The following PTPRU variants were observed in gnomAD, a reference collection of about 807,000 sequenced individuals.
The protein encoded by PTPRU is receptor-type tyrosine-protein phosphatase U.
PTPRU carries 69 observed loss-of-function variants against 166.3 expected under a neutral mutation model. That is an observed-to-expected ratio of 0.41 (90% confidence interval 0.34 to 0.51). PTPRU has a LOEUF of 0.51. Ranked by LOEUF, PTPRU falls within the 20% of genes least tolerant of loss-of-function variation. The probability of loss-of-function intolerance (pLI) is 0.09; values close to 1 mark genes in which losing one functional copy is unlikely to be tolerated. For missense variants in PTPRU, 1,657 were observed against 2,013.7 expected (o/e 0.82, Z 3.39); for synonymous variants, 793 against 814.0 (o/e 0.97, Z 0.44).
chr1:29,289,637 C>T (rs758911474), intron 14 of PTPRU: 43 of 1,612,714 alleles, frequency 2.7e-5, no homozygotes, highest in South Asian at 6.6e-5. Context: ...CCTTGGTGGA[C>T]GGACCTCGGA....
chr1:29,256,416 T>TCA (rs770068894), intron 2 of PTPRU, among the ~76,000 whole-genome samples: 22 of 152,212 alleles, frequency 1.4e-4, no homozygotes, highest in South Asian at 2.1e-4. Context: ...CTTTGCCCCA[T>TCA]CACACTAGTG....
chr1:29,260,134 G>A lies in PTPRU; in HGVS notation c.850+90G>A, dbSNP rs944911303. 3 of 1,210,906 alleles carry A rather than the reference G, an allele frequency of 2.5e-6. No individual in the cohort carries two copies. Among genetic ancestry groups the A allele is most frequent in the East Asian group, 3.4e-5 (1 of 29,720 alleles). The allele number at this position is 1,210,906 out of a possible 1,614,324, so 75.0% of individuals were successfully genotyped here. On this transcript the variant is annotated intron_variant, in intron 6 of 29. Coordinates refer to ENST00000373779, the MANE Select transcript of PTPRU (RefSeq NM_133178.4). This position sits in a 1 kb window ranked among gnomAD's most constrained non-coding sequence, Gnocchi z 8.3. ...GCGGGCTCTGCCCGGGGGCGTGGCC[G>A]TGGGGGGTGGGGCCGGCAGGGTGTC...
Position 29,280,247 on chromosome 1 carries a change from G to T in PTPRU, c.1868+106G>T. 2 of 1,130,472 alleles carry T rather than the reference G, an allele frequency of 1.8e-6. No individual in the cohort carries two copies. The highest frequency in any genetic ancestry group is 1.3e-6 in the Non-Finnish European group (1 of 786,700). The allele number at this position is 1,130,472 out of a possible 1,614,324, so 70.0% of individuals were successfully genotyped here. A position where few individuals can be genotyped will look rare whatever the true frequency, so the allele number is the denominator to read the frequency against. On this transcript the variant is annotated intron_variant, in intron 11 of 29. Coordinates refer to ENST00000373779, the MANE Select transcript of PTPRU (RefSeq NM_133178.4). This position sits in a 1 kb window ranked among gnomAD's most constrained non-coding sequence, Gnocchi z 4.2. ...GCCAGCTCACCCTTTTCCTCCCTCAGTCTCCCACGCAGGGCTTGGAGTGTC... is the reference window on the plus strand; with the variant it reads ...GCCAGCTCACCCTTTTCCTCCCTCATTCTCCCACGCAGGGCTTGGAGTGTC...
At chr1:29,258,390 C>A in intron 2 of PTPRU, 115 bp from the exon 3 acceptor site, 2 of 1,173,832 alleles carry the variant, frequency 1.7e-6, no homozygotes, top group Admixed American at 2.3e-5. Context: ...AACTCAGAAT[C>A]CCTGACTCCT....
chr1:29,264,436 T>A (rs1685199067), intron 7 of PTPRU, among the ~76,000 whole-genome samples: 1 of 152,166 alleles, frequency 6.6e-6, no homozygotes, highest in South Asian at 2.1e-4. Flanking sequence ...GTGTCAGCTA[T>A]TACATTCAGG....
chr1:29,311,535 G>A lies in PTPRU; in HGVS notation c.2937G>A (p.Lys979=), dbSNP rs942000483. ...EHCSSIVMIT[K]LVEVGRVKCS... is the part of the protein sequence containing the mutation. ...GTTCCAGCATCGTCATGATCACCAA[G>A]CTGGTCGAGGTGGGCAGGGTAAGCC... is the stretch of plus-strand genomic sequence containing the variant. Residue 979 remains lysine, a synonymous_variant, in exon 20 of 30, where the codon AAG becomes AAA. Coordinates refer to ENST00000373779, the MANE Select transcript of PTPRU (RefSeq NM_133178.4). This position sits in a 1 kb window ranked among gnomAD's most constrained non-coding sequence, Gnocchi z 4.1. 1 of 1,614,244 alleles carries A rather than the reference G, an allele frequency of 6.2e-7. No individual in the cohort carries two copies. The highest frequency in any genetic ancestry group is 8.5e-7 in the Non-Finnish European group (1 of 1,180,040).
rs762111865 is a variant in PTPRU, at chr1:29,282,771, C to T, written c.1964C>T (p.Ala655Val). The T allele has an allele frequency of 9.7e-5, 157 of 1,613,932 alleles. 1 individual carries two copies. In the South Asian group the frequency reaches 1.3e-3, roughly 13 times the overall value. Residue 655 changes from alanine to valine, a missense_variant, in exon 12 of 30, where the codon GCG becomes GTG. Physicochemically the swap from Ala to Val is moderately conservative, Grantham distance 64. Around this residue, in one of 3 missense-constraint regions of PTPRU, gnomAD observed 1,190 missense variants for 1,477.4 expected, o/e 0.81. Coordinates refer to ENST00000373779, the MANE Select transcript of PTPRU (RefSeq NM_133178.4). ...TTCCCAGTGCCATTGACCTTCGAGGCGGCGCTGGCCCGAGGCCTGGTGCAC... is the reference window on the plus strand; with the variant it reads ...TTCCCAGTGCCATTGACCTTCGAGGTGGCGCTGGCCCGAGGCCTGGTGCAC... ...DCFPVPLTFEAALARGLVHYF... is the reference protein window; with the variant it reads ...DCFPVPLTFEVALARGLVHYF...
chr1:29,325,156 G>A (rs755882681), intron 28 of PTPRU, 35 bp from the exon 29 acceptor site: 3 of 1,611,702 alleles, frequency 1.9e-6, no homozygotes, highest in East Asian at 2.2e-5. Context: ...CAGGTTCCAA[G>A]GCCCCGCCCC....
At chr1:29,258,916 G>A (rs985894138) in intron 3 of PTPRU, 140 bp downstream of exon 3, 4 of 1,280,242 alleles carry the variant, frequency 3.1e-6, no homozygotes, top group African/African-American at 3.0e-5. Flanking sequence ...TCAAGGCCAG[G>A]GGTCAGTCTG....
intron 13 of PTPRU, among the ~76,000 whole-genome samples, chr1:29,284,498 A>G (rs991370562): frequency 2.0e-5 from 3 of 152,164 alleles, no homozygotes; most frequent in African/African-American, 7.2e-5. Context: ...GAAAGTGGGA[A>G]GCGAGGGAAG....
At chr1:29,266,352 G>A (rs915354669) in intron 7 of PTPRU, among the ~76,000 whole-genome samples, 2 of 152,056 alleles carry the variant, frequency 1.3e-5, no homozygotes, top group South Asian at 2.1e-4. Flanking sequence ...TTAAGTTTAT[G>A]ATCTATTTTG....
At chr1:29,243,168 A>G (rs1684133363) in intron 1 of PTPRU, among the ~76,000 whole-genome samples, 1 of 152,056 alleles carries the variant, frequency 6.6e-6, no homozygotes, top group South Asian at 2.1e-4. Flanking sequence ...AAGTACTGGG[A>G]TTAGAGGCAT....
chr1:29,236,629 C>T lies in PTPRU; in HGVS notation c.-16C>T, dbSNP rs768518081. 2.3e-5 allele frequency: 29 copies of T among 1,246,554 alleles called. No individual in the cohort carries two copies. In the South Asian group the frequency reaches 7.5e-4, roughly 32 times the overall value. The allele number at this position is 1,246,554 out of a possible 1,614,324, so 77.2% of individuals were successfully genotyped here. Reference sequence around the variant, plus strand: ...CCCCCGCGCCGGGCCCCGGGACGGGCGGCGACGCTCCAACCATGGCCCGTG... The same window carrying T: ...CCCCCGCGCCGGGCCCCGGGACGGGTGGCGACGCTCCAACCATGGCCCGTG... On this transcript the variant is annotated 5_prime_UTR_variant, in exon 1 of 30. Transcript: ENST00000373779. The surrounding 1 kb of genome is among the most constrained non-coding windows in gnomAD (Gnocchi z 4.6).
chr1:29,297,307 G>C (rs1686935714), intron 15 of PTPRU, among the ~76,000 whole-genome samples: 2 of 151,044 alleles, frequency 1.3e-5, no homozygotes, highest in Admixed American at 1.3e-4. Context: ...CACCCGTCTT[G>C]GCCTCCCAAA....
At position 29,280,649 on chromosome 1, in the gene PTPRU, C is replaced by CTGTGTG. The variant is rs140481299; in HGVS notation, c.1868+534_1868+539dup. On this transcript the variant is annotated intron_variant, in intron 11 of 29. Transcript: ENST00000373779. This position sits in a 1 kb window ranked among gnomAD's most constrained non-coding sequence, Gnocchi z 4.2. ...TGGGGAGAGGGTGCTGGAGACAAGACTGTGTGTGTGTGTGTGTGTGTGTGT... is the reference window on the plus strand; with the variant it reads ...TGGGGAGAGGGTGCTGGAGACAAGACTGTGTGTGTGTGTGTGTGTGTGTGTGTGTGT... Among the ~76,000 whole-genome samples, 1,448 of 144,104 alleles carry CTGTGTG rather than the reference C, an allele frequency of 0.01. 31 individuals are homozygous for CTGTGTG. The highest frequency in any genetic ancestry group is 0.034 in the African/African-American group (1,340 of 39,174). 94.5% of individuals were successfully genotyped at this position (144,104 alleles called of 152,430 possible).
intron 14 of PTPRU, among the ~76,000 whole-genome samples, chr1:29,286,568 CT>C (rs1178647789): frequency 6.6e-6 from 1 of 152,124 alleles, no homozygotes; most frequent in Admixed American, 6.5e-5. Flanking sequence ...AAGCCCCTGA[CT>C]TTCCCCCAGC....
At chr1:29,285,590 A>G (rs1686305613) in intron 14 of PTPRU, among the ~76,000 whole-genome samples, 1 of 152,232 alleles carries the variant, frequency 6.6e-6, no homozygotes. Context: ...GACTCTAGGA[A>G]TCTTAGGCTT....
intron 7 of PTPRU, among the ~76,000 whole-genome samples, chr1:29,275,154 G>A (rs1245431310): frequency 1.3e-5 from 2 of 152,058 alleles, no homozygotes; most frequent in African/African-American, 4.8e-5. Flanking sequence ...ATCCTATGAG[G>A]CAGGGCCTAT....
chr1:29,325,406 C>T, intron 29 of PTPRU, 80 bp downstream of exon 29: 1 of 1,552,432 alleles, frequency 6.4e-7, no homozygotes, highest in Non-Finnish European at 8.9e-7. Context: ...CCCACTCTCC[C>T]ATATCTGGGC....
Sources: allele counts gnomAD v4.1 joint callset (sites outside exome capture counted in the v4.1 genomes callset), GRCh38; gene constraint gnomAD v4.1.1; regional missense constraint gnomAD v4.1.1; non-coding constraint Gnocchi (gnomAD v3.1); transcripts MANE v1.5; gene names NCBI Gene and HGNC (gene_info 2026-07-23, HGNC 2026-07-21).